Variants in DYNLT2B observed in about 807,000 individuals in gnomAD.
DYNLT2B encodes dynein light chain Tctex-type protein 2B.
In DYNLT2B, 14 loss-of-function variants were observed where a neutral mutation model predicts 19.5. The ratio of observed to expected loss-of-function variants is 0.72; its 90% CI spans 0.47 to 1.12. The LOEUF (loss-of-function observed/expected upper bound fraction) is 1.12. DYNLT2B is among the 50% of genes most tolerant of loss of function. The probability of loss-of-function intolerance (pLI) is 0.00; values close to 1 mark genes in which losing one functional copy is unlikely to be tolerated. For synonymous variants in DYNLT2B, 70 were observed against 59.7 expected (o/e 1.17, Z -0.79); for missense variants, 133 against 174.7 (o/e 0.76, Z 1.35).
intron 3 of DYNLT2B, among the ~76,000 whole-genome samples, chr3:196,305,008 A>C (rs1726450266): frequency 1.3e-5 from 2 of 152,076 alleles, no homozygotes; most frequent in African/African-American, 4.8e-5. Context: ...TCAGTCTCTC[A>C]AGTAGCTGGG....
intron 2 of DYNLT2B, among the ~76,000 whole-genome samples, chr3:196,314,881 A>C (rs1308010614): frequency 6.6e-6 from 1 of 152,136 alleles, no homozygotes; most frequent in African/African-American, 2.4e-5. Context: ...ACAGGGTAGG[A>C]AAAGCACAAA....
chr3:196,303,092 G>A (rs1726397106), intron 3 of DYNLT2B, among the ~76,000 whole-genome samples: 1 of 152,060 alleles, frequency 6.6e-6, no homozygotes, highest in Non-Finnish European at 1.5e-5. Context: ...TGGATCAGCT[G>A]GCACCACCCA....
Position 196,318,167 on chromosome 3 carries a change from G to A in DYNLT2B, c.-15C>T. On this transcript the variant is annotated 5_prime_UTR_variant, in exon 1 of 5. Transcript: ENST00000325318. The stretch of plus-strand genomic sequence containing the variant: ...GACGTGGCCATGCCGGGGCTTCTCG[G>A]TCCGGGCGTAGCTCGCGATGAAGGC... 1.4e-6 allele frequency: 2 copies of A among 1,466,460 alleles called. No homozygotes were observed. The highest frequency in any genetic ancestry group is 1.8e-6 in the Non-Finnish European group (2 of 1,103,408). 90.8% of individuals were successfully genotyped at this position (1,466,460 alleles called of 1,614,324 possible). A position where few individuals can be genotyped will look rare whatever the true frequency, so the allele number is the denominator to read the frequency against.
intron 4 of DYNLT2B, 57 bp from the exon 5 acceptor site, chr3:196,291,431 T>G: frequency 1.3e-6 from 2 of 1,550,348 alleles, no homozygotes; most frequent in Non-Finnish European, 1.8e-6. Context: ...AAAGAGGGAA[T>G]GAGAGCAGCA....
chr3:196,315,527 C>G (rs1438720138), intron 2 of DYNLT2B, among the ~76,000 whole-genome samples: 1 of 151,634 alleles, frequency 6.6e-6, no homozygotes, highest in African/African-American at 2.4e-5. Flanking sequence ...TCCCAAAGTG[C>G]TGCGATTACA....
At chr3:196,316,377 G>C (rs986201359) in intron 1 of DYNLT2B, 146 bp from the exon 2 acceptor site, 3 of 895,114 alleles carry the variant, frequency 3.4e-6, no homozygotes, top group Non-Finnish European at 1.6e-6. Context: ...AACAAATTAA[G>C]ACAAATCATA....
At chr3:196,293,085 C>A (rs1009356938) in intron 4 of DYNLT2B, among the ~76,000 whole-genome samples, 5 of 152,132 alleles carry the variant, frequency 3.3e-5, no homozygotes, top group African/African-American at 1.2e-4. Context: ...AACTCCTGAC[C>A]TCAGGTGATC....
intron 4 of DYNLT2B, 38 bp from the exon 5 acceptor site, chr3:196,291,412 G>C: frequency 6.3e-7 from 1 of 1,587,824 alleles, no homozygotes; most frequent in South Asian, 1.2e-5. Context: ...CATCCAGAAT[G>C]TTAGTACTAA....
At chr3:196,294,724 ACTTTTTTCTTTTTT>A (rs750506822) in intron 4 of DYNLT2B, among the ~76,000 whole-genome samples, 48 of 151,946 alleles carry the variant, frequency 3.2e-4, no homozygotes, top group Non-Finnish European at 2.9e-5. Flanking sequence ...ATTTCTTTTT[ACTTTTTTCTTTTTT>A]CTTTTTTTAA....
At chr3:196,304,679 G>A (rs1159745736) in intron 3 of DYNLT2B, among the ~76,000 whole-genome samples, 3 of 147,248 alleles carry the variant, frequency 2.0e-5, no homozygotes, top group Admixed American at 7.1e-5. Context: ...AGACAAAAGC[G>A]AAACTCCATC....
intron 4 of DYNLT2B, among the ~76,000 whole-genome samples, chr3:196,295,223 C>T (rs1206258016): frequency 6.6e-6 from 1 of 152,136 alleles, no homozygotes; most frequent in Non-Finnish European, 1.5e-5. Context: ...TACAGTGGCA[C>T]AATCTCAGCT....
In DYNLT2B at chr3:196,318,183, C is replaced by G; in HGVS notation, c.-31G>C. The G allele has an allele frequency of 7.4e-7, 1 of 1,345,182 alleles. No homozygotes were observed. The highest frequency in any genetic ancestry group is 1.0e-6 in the Non-Finnish European group (1 of 1,002,552). 83.3% of individuals were successfully genotyped at this position (1,345,182 alleles called of 1,614,324 possible). ...GGCTTCTCGGTCCGGGCGTAGCTCG[C>G]GATGAAGGCCTAGCGGGTTGCGGTC... is the stretch of plus-strand genomic sequence containing the variant. On this transcript the variant is annotated 5_prime_UTR_variant, in exon 1 of 5. Transcript: ENST00000325318.
chr3:196,317,606 C>G (rs993071047), intron 1 of DYNLT2B, among the ~76,000 whole-genome samples: 20 of 152,234 alleles, frequency 1.3e-4, no homozygotes, highest in African/African-American at 4.8e-4. Flanking sequence ...CCAGATCCCA[C>G]CCGGGTAGGA....
chr3:196,306,982 A>C lies in DYNLT2B; in HGVS notation c.278T>G (p.Val93Gly). Residue 93 changes from valine to glycine, a missense_variant, in exon 3 of 5, where the codon GTG (valine) becomes GGG (glycine). Val to Gly is a moderately radical substitution (Grantham distance 109). Coordinates refer to ENST00000325318, the MANE Select transcript of DYNLT2B (RefSeq NM_152773.5). ...TCTTTGTTCTCCAATCACTACTTGC[A>C]CCACCATTTTGTATCGGTCAAATCC... ...EMGFDRYKMV[V>G]QVVIGEQRGE... is the part of the protein sequence containing the mutation. The C allele has an allele frequency of 3.1e-6, 5 of 1,614,128 alleles. No individual in the cohort carries two copies. The highest frequency in any genetic ancestry group is 4.2e-6 in the Non-Finnish European group (5 of 1,179,972).
At position 196,291,383 on chromosome 3, in the gene DYNLT2B, T is replaced by C. The variant is rs374212338; in HGVS notation, c.382-9A>G. On this transcript the variant is annotated splice_polypyrimidine_tract_variant and intron_variant, in intron 4 of 4. Transcript: ENST00000325318. Reference sequence around the variant, plus strand: ...ACGCAGAATAAACTGTCCTAAAAAATAAATACAACACACACACACATCCAG... The same window carrying C: ...ACGCAGAATAAACTGTCCTAAAAAACAAATACAACACACACACACATCCAG... The C allele has an allele frequency of 8.7e-6, 14 of 1,608,508 alleles. No individual in the cohort carries two copies. Among genetic ancestry groups the C allele is most frequent in the South Asian group, 4.4e-5 (4 of 89,912 alleles).
rs145533689 is a variant in DYNLT2B at position 196,300,246 on chromosome 3, T to C, written c.318-4177A>G. On this transcript the variant is annotated intron_variant, in intron 3 of 4. Coordinates refer to ENST00000325318, the MANE Select transcript of DYNLT2B (RefSeq NM_152773.5). ...AATATATTTGTGCCATTTTCAGCAC[T>C]GAGTTTGTGATAATTTGTTACGGCA... 2.3e-3 allele frequency among the ~76,000 whole-genome samples: 344 copies of C among 152,338 alleles called. 1 individual carries two copies. Among genetic ancestry groups the C allele is most frequent in the Non-Finnish European group, 3.8e-3 (258 of 68,026 alleles).
chr3:196,306,708 C>A (rs1306429855), intron 3 of DYNLT2B, among the ~76,000 whole-genome samples: 1 of 151,984 alleles, frequency 6.6e-6, no homozygotes, highest in Non-Finnish European at 1.5e-5. Flanking sequence ...GCCATCACAC[C>A]CGGCTAATTT....
intron 2 of DYNLT2B, among the ~76,000 whole-genome samples, chr3:196,315,463 G>A (rs1382567865): frequency 3.3e-5 from 5 of 151,428 alleles, no homozygotes; most frequent in East Asian, 2.0e-4. Flanking sequence ...GGGTTTCATC[G>A]TGTTAGCCAG....
chr3:196,303,299 C>A (rs1054055914), intron 3 of DYNLT2B, among the ~76,000 whole-genome samples: 3 of 152,162 alleles, frequency 2.0e-5, no homozygotes, highest in Admixed American at 6.5e-5. Context: ...AATAATAAAA[C>A]TCCGGTCTCC....
Sources: allele counts gnomAD v4.1 joint callset (sites outside exome capture counted in the v4.1 genomes callset), GRCh38; gene constraint gnomAD v4.1.1; transcripts MANE v1.5; gene names NCBI Gene and HGNC (gene_info 2026-07-23, HGNC 2026-07-21).